The following RASEF variants were observed in gnomAD, a reference collection of about 807,000 sequenced individuals.
RASEF encodes RAS and EF-hand domain containing, also known as ras and EF-hand domain-containing protein.
In RASEF, 68 loss-of-function variants were observed where a neutral mutation model predicts 90.1. The observed-to-expected ratio is 0.75, with a 90% CI of 0.62 to 0.92. The LOEUF (loss-of-function observed/expected upper bound fraction) is 0.92. Ranked by LOEUF, RASEF falls within the 40% of genes least tolerant of loss-of-function variation. The pLI, the probability that RASEF is intolerant of heterozygous loss-of-function variation, is 0.00. For missense variants in RASEF, 949 were observed against 937.2 expected (o/e 1.01, Z -0.16); for synonymous variants, 331 against 345.2 (o/e 0.96, Z 0.46).
the RASEF span, among the ~76,000 whole-genome samples, chr9:83,095,970 G>T: frequency 6.6e-6 from 1 of 152,128 alleles, no homozygotes; most frequent in Non-Finnish European, 1.5e-5. Flanking sequence ...CCAGCACATG[G>T]ATTCCTGCAT....
chr9:83,170,100 T>C, the RASEF span, among the ~76,000 whole-genome samples: 3 of 152,116 alleles, frequency 2.0e-5, no homozygotes, highest in South Asian at 6.2e-4. Flanking sequence ...GATTTGATTT[T>C]TGGTTGTGGT....
chr9:83,177,421 G>C, the RASEF span, among the ~76,000 whole-genome samples: 1 of 152,112 alleles, frequency 6.6e-6, no homozygotes, highest in African/African-American at 2.4e-5. Flanking sequence ...GTTTATCTGA[G>C]AGTGTCTGTA....
the RASEF span, among the ~76,000 whole-genome samples, chr9:83,200,289 G>A: frequency 6.6e-6 from 1 of 152,086 alleles, no homozygotes; most frequent in East Asian, 1.9e-4. Flanking sequence ...CCAGCTACTT[G>A]GGAGGCTGAG....
intron 1 of RASEF, among the ~76,000 whole-genome samples, chr9:83,044,798 G>A (rs745445785): frequency 9.2e-5 from 14 of 152,200 alleles, no homozygotes; most frequent in Non-Finnish European, 1.9e-4. Flanking sequence ...TGAGTATGTT[G>A]CTGTGAAGGT....
the RASEF span, among the ~76,000 whole-genome samples, chr9:83,106,599 A>C: frequency 8.3e-3 from 1,258 of 152,246 alleles, 21 homozygotes; most frequent in African/African-American, 0.028. Context: ...TGACGTCCTT[A>C]TCACTCATGA....
the RASEF span, among the ~76,000 whole-genome samples, chr9:83,102,870 A>G: frequency 1.3e-5 from 2 of 152,148 alleles, no homozygotes; most frequent in African/African-American, 4.8e-5. Context: ...CAAGCCTTGG[A>G]TTGGTTGGGA....
chr9:83,187,734 G>C, the RASEF span, among the ~76,000 whole-genome samples: 1 of 152,156 alleles, frequency 6.6e-6, no homozygotes. Flanking sequence ...TCTTGAGGGT[G>C]CCCTTCTTCC....
chr9:83,131,432 T>C, the RASEF span, among the ~76,000 whole-genome samples: 1 of 152,148 alleles, frequency 6.6e-6, no homozygotes, highest in Non-Finnish European at 1.5e-5. Flanking sequence ...CTCTAACAAC[T>C]GTATACTGGA....
the RASEF span, among the ~76,000 whole-genome samples, chr9:83,126,669 T>C: frequency 6.6e-6 from 1 of 152,228 alleles, no homozygotes; most frequent in Non-Finnish European, 1.5e-5. Flanking sequence ...TCTCAGTAGC[T>C]ACCTACTGCC....
At chr9:83,117,038 G>A in the RASEF span, among the ~76,000 whole-genome samples, 1 of 152,164 alleles carries the variant, frequency 6.6e-6, no homozygotes, top group Non-Finnish European at 1.5e-5. Flanking sequence ...TATGCCTTAT[G>A]ACATAAAAAT....
chr9:83,011,576 A>AAAAC (rs1554707057), intron 5 of RASEF, among the ~76,000 whole-genome samples: 2 of 147,888 alleles, frequency 1.4e-5, no homozygotes, highest in Non-Finnish European at 3.0e-5. Flanking sequence ...AAAAAAAAAA[A>AAAAC]CTGAAATTTT....
chr9:83,085,751 C>T, the RASEF span, among the ~76,000 whole-genome samples: 1 of 151,952 alleles, frequency 6.6e-6, no homozygotes, highest in African/African-American at 2.4e-5. Context: ...ATAGTGAAAT[C>T]CCATCTGTAC....
At chr9:83,137,564 G>T in the RASEF span, among the ~76,000 whole-genome samples, 1 of 152,218 alleles carries the variant, frequency 6.6e-6, no homozygotes, top group East Asian at 1.9e-4. Flanking sequence ...GGTTCATGCT[G>T]GGAATAAGAA....
chr9:83,028,233 T>A (rs193025869), intron 1 of RASEF, among the ~76,000 whole-genome samples: 1 of 152,258 alleles, frequency 6.6e-6, no homozygotes, highest in East Asian at 1.9e-4. Context: ...ACCTCCAACG[T>A]TTGGATAATT....
At chr9:83,164,102 T>C in the RASEF span, among the ~76,000 whole-genome samples, 1 of 151,024 alleles carries the variant, frequency 6.6e-6, no homozygotes, top group Non-Finnish European at 1.5e-5. Flanking sequence ...ATTGAGTGGA[T>C]TTGTTTTCAG....
chr9:83,207,695 C>T, the RASEF span, among the ~76,000 whole-genome samples: 1 of 148,634 alleles, frequency 6.7e-6, no homozygotes, highest in African/African-American at 2.5e-5. Flanking sequence ...GCAACCTCTG[C>T]CTCTCAGCTT....
intron 15 of RASEF, among the ~76,000 whole-genome samples, chr9:82,990,700 A>G (rs2118387959): frequency 6.6e-6 from 1 of 152,332 alleles, no homozygotes; most frequent in South Asian, 2.1e-4. Flanking sequence ...AAAAAATAGA[A>G]TATTTCATGT....
At chr9:83,055,987 G>T (rs1041215964) in intron 1 of RASEF, among the ~76,000 whole-genome samples, 1 of 152,144 alleles carries the variant, frequency 6.6e-6, no homozygotes, top group East Asian at 1.9e-4. Flanking sequence ...TGAGAAACAA[G>T]GTCAGGGTCA....
At position 83,048,686 on chromosome 9, in the gene RASEF, A is replaced by G; in HGVS notation, c.431+13751T>C. The G allele has an allele frequency of 7.1e-6, 7 of 985,458 alleles. No individual in the cohort carries two copies. The South Asian group carries it at 1.4e-4, about 20-fold the overall frequency. 61.0% of individuals were successfully genotyped at this position (985,458 alleles called of 1,614,324 possible). ...GGGAGATTTAACATTTACTTTTTCC[A>G]TAGTGTTATGCCCTCAATTTAAATG... On this transcript the variant is annotated intron_variant, in intron 1 of 16. Coordinates refer to ENST00000376447, the MANE Select transcript of RASEF (RefSeq NM_152573.4).
Sources: allele counts gnomAD v4.1 joint callset (sites outside exome capture counted in the v4.1 genomes callset), GRCh38; gene constraint gnomAD v4.1.1; transcripts MANE v1.5; gene names NCBI Gene and HGNC (gene_info 2026-07-23, HGNC 2026-07-21).